Variants in FOS observed in about 807,000 individuals in gnomAD.
The protein encoded by FOS is protein c-Fos.
In FOS, 9 loss-of-function variants were observed where a neutral mutation model predicts 27.2. The ratio of observed to expected loss-of-function variants is 0.33; its 90% CI spans 0.20 to 0.58. The LOEUF is 0.58. Among genes scored for constraint, FOS ranks in the 20% least tolerant of loss-of-function variants. The probability of loss-of-function intolerance (pLI) is 0.87; values close to 1 mark genes in which losing one functional copy is unlikely to be tolerated. For synonymous variants in FOS, 213 were observed against 205.1 expected (o/e 1.04, Z -0.33); for missense variants, 405 against 483.5 (o/e 0.84, Z 1.52).
In FOS at chr14:75,281,065, A is replaced by T. The variant is rs1404657399; in HGVS notation, c.784A>T (p.Met262Leu). The change falls in exon 4 of 4, where the codon ATG becomes TTG. Residue 262 changes from methionine to leucine, a missense_variant. Coordinates refer to ENST00000303562, the MANE Select transcript of FOS (RefSeq NM_005252.4). The surrounding 1 kb of genome is among the most constrained non-coding windows in gnomAD (Gnocchi z 4.7). ...GGAACCTGTCAAGAGCATCAGCAGC[A>T]TGGAGCTGAAGACCGAGCCCTTTGA... ...SVEPVKSISS[M>L]ELKTEPFDDF... 2 of 1,612,454 alleles carry T rather than the reference A, an allele frequency of 1.2e-6. No homozygotes were observed. Among genetic ancestry groups the T allele is most frequent in the Admixed American group, 3.3e-5 (2 of 60,022 alleles).
chr14:75,280,519 C>T, intron 2 of FOS, 41 bp from the exon 3 acceptor site: 1 of 1,512,656 alleles, frequency 6.6e-7, no homozygotes, highest in Admixed American at 1.8e-5. Context: ...TGATGGCAGA[C>T]ACTTTTACTG....
At chr14:75,280,519 C>A in intron 2 of FOS, 41 bp from the exon 3 acceptor site, 3 of 1,512,652 alleles carry the variant, frequency 2.0e-6, no homozygotes, top group Non-Finnish European at 2.7e-6. Context: ...TGATGGCAGA[C>A]ACTTTTACTG....
At chr14:75,280,328 T>C in intron 2 of FOS, 200 bp downstream of exon 2, 1 of 731,068 alleles carries the variant, frequency 1.4e-6, no homozygotes, top group Non-Finnish European at 2.3e-6. Context: ...CATAGTTTCT[T>C]CCCTAAGTTT....
intron 2 of FOS, 37 bp downstream of exon 2, chr14:75,280,165 G>A (rs1897211181): frequency 1.2e-6 from 2 of 1,612,970 alleles, no homozygotes; most frequent in Admixed American, 3.3e-5. Flanking sequence ...GGGAATGTGG[G>A]GGCTGGGTGG....
chr14:75,279,697 G>A lies in FOS; in HGVS notation c.142-180G>A, dbSNP rs1307125086. 4.4e-6 allele frequency: 3 copies of A among 686,978 alleles called. No individual in the cohort carries two copies. The highest frequency in any genetic ancestry group is 7.4e-6 in the Non-Finnish European group (3 of 404,528). The allele number at this position is 686,978 out of a possible 1,614,324, so 42.6% of individuals were successfully genotyped here. A position where few individuals can be genotyped will look rare whatever the true frequency, so the allele number is the denominator to read the frequency against. On this transcript the variant is annotated intron_variant, in intron 1 of 3. Transcript: ENST00000303562. The surrounding 1 kb of genome is among the most constrained non-coding windows in gnomAD (Gnocchi z 5.4). ...GCAGGATGGAAGAGACAGGCACTGCGCTGCGGAATGCCTGGGAGGAAAAGG... is the reference window on the plus strand; with the variant it reads ...GCAGGATGGAAGAGACAGGCACTGCACTGCGGAATGCCTGGGAGGAAAAGG...
At position 75,279,118 on chromosome 14, in the gene FOS, G is replaced by T; in HGVS notation, c.136G>T (p.Ala46Ser). The change falls in exon 1 of 4, where the codon GCG (alanine) becomes TCG (serine). Residue 46 changes from alanine to serine, a missense_variant. Ala to Ser is a moderately conservative substitution (Grantham distance 99). Transcript: ENST00000303562. The surrounding 1 kb of genome is among the most constrained non-coding windows in gnomAD (Gnocchi z 5.4). ...SFSSMGSPVN[A>S]QDFCTDLAVS... ...CTCCAGCATGGGCTCGCCTGTCAAC[G>T]CGCAGGTAAGGCTGGCTTCCCGTCG... 2 of 1,613,108 alleles carry T rather than the reference G, an allele frequency of 1.2e-6. No homozygotes were observed. Among genetic ancestry groups the T allele is most frequent in the South Asian group, 1.1e-5 (1 of 91,082 alleles).
Position 75,279,899 on chromosome 14 carries a change from T to C in FOS, c.164T>C (p.Val55Ala), listed in dbSNP as rs1897206646. 1 of 1,611,372 alleles carries C rather than the reference T, an allele frequency of 6.2e-7. No homozygotes were observed. The highest frequency in any genetic ancestry group is 1.7e-5 in the Admixed American group (1 of 59,782). Residue 55 changes from valine to alanine, a missense_variant, in exon 2 of 4, where the codon GTC becomes GCC. Transcript: ENST00000303562. The surrounding 1 kb of genome is among the most constrained non-coding windows in gnomAD (Gnocchi z 5.4). ...NAQDFCTDLA[V>A]SSANFIPTVT... is the part of the protein sequence containing the mutation. ...TAGGACTTCTGCACGGACCTGGCCG[T>C]CTCCAGTGCCAACTTCATTCCCACG... is the stretch of plus-strand genomic sequence containing the variant.
Position 75,279,900 on chromosome 14 carries a change from C to G in FOS, c.165C>G (p.Val55=). The G allele has an allele frequency of 6.2e-7, 1 of 1,611,912 alleles. No individual in the cohort carries two copies. Residue 55 remains valine, a synonymous_variant, in exon 2 of 4, where the codon GTC becomes GTG. Coordinates refer to ENST00000303562, the MANE Select transcript of FOS (RefSeq NM_005252.4). This position sits in a 1 kb window ranked among gnomAD's most constrained non-coding sequence, Gnocchi z 5.4. ...NAQDFCTDLA[V]SSANFIPTVT... ...AGGACTTCTGCACGGACCTGGCCGT[C>G]TCCAGTGCCAACTTCATTCCCACGG...
chr14:75,279,015 G>A lies in FOS; in HGVS notation c.33G>A (p.Glu11=), dbSNP rs1566699923. Residue 11 remains glutamate (E), a synonymous_variant, in exon 1 of 4, where the codon GAG becomes GAA. Transcript: ENST00000303562. The surrounding 1 kb of genome is among the most constrained non-coding windows in gnomAD (Gnocchi z 5.4). The part of the protein sequence containing the change: MMFSGFNADY[E]ASSSRCSSAS... ...TCTCGGGCTTCAACGCAGACTACGA[G>A]GCGTCATCCTCCCGCTGCAGCAGCG... is the stretch of plus-strand genomic sequence containing the variant. The A allele has an allele frequency of 6.2e-7, 1 of 1,613,708 alleles. No individual in the cohort carries two copies. The highest frequency in any genetic ancestry group is 8.5e-7 in the Non-Finnish European group (1 of 1,179,948).
intron 2 of FOS, 72 bp from the exon 3 acceptor site, chr14:75,280,488 A>C: frequency 8.1e-7 from 1 of 1,233,324 alleles, no homozygotes; most frequent in South Asian, 1.3e-5. Context: ...AGCCAGTTCT[A>C]CTGGGGTGGG....
Position 75,279,769 on chromosome 14 carries a change from G to A in FOS, c.142-108G>A, listed in dbSNP as rs1594901714. On this transcript the variant is annotated intron_variant, in intron 1 of 3. Coordinates refer to ENST00000303562, the MANE Select transcript of FOS (RefSeq NM_005252.4). This position sits in a 1 kb window ranked among gnomAD's most constrained non-coding sequence, Gnocchi z 5.4. The stretch of plus-strand genomic sequence containing the variant: ...GAGGGACATTTAAGATGAAATGTCC[G>A]TGGCAGGATCGTTTCTCTTCACTGC... The A allele has an allele frequency of 2.3e-6, 3 of 1,282,000 alleles. No homozygotes were observed. The highest frequency in any genetic ancestry group is 2.3e-5 in the East Asian group (1 of 42,808). The allele number at this position is 1,282,000 out of a possible 1,614,324, so 79.4% of individuals were successfully genotyped here.
intron 2 of FOS, 85 bp downstream of exon 2, chr14:75,280,213 A>G (rs1253651501): frequency 1.3e-6 from 2 of 1,576,696 alleles, no homozygotes; most frequent in Non-Finnish European, 1.7e-6. Flanking sequence ...AGTACAGAGG[A>G]TGAAGCCACT....
Position 75,279,631 on chromosome 14 carries a change from T to C in FOS, c.142-246T>C, listed in dbSNP as rs1897203675. On this transcript the variant is annotated intron_variant, in intron 1 of 3. Coordinates refer to ENST00000303562, the MANE Select transcript of FOS (RefSeq NM_005252.4). This position sits in a 1 kb window ranked among gnomAD's most constrained non-coding sequence, Gnocchi z 5.4. ...TCAGGGATATTTATAACAAACCCCC[T>C]TTCAAGCAAGTGATGCTGAAGGGAT... 4 of 553,400 alleles carry C rather than the reference T, an allele frequency of 7.2e-6. No individual in the cohort carries two copies. In the African/African-American group the frequency reaches 7.5e-5, roughly 10 times the overall value. 34.3% of individuals were successfully genotyped at this position (553,400 alleles called of 1,614,324 possible).
At position 75,278,958 on chromosome 14, in the gene FOS, C is replaced by A. The variant is rs754369700; in HGVS notation, c.-25C>A. ...CACCTGTCTCCGCCCCTCGGCCCCT[C>A]GCCCGGCTTTGCCTAACCGCCACGA... On this transcript the variant is annotated 5_prime_UTR_variant, in exon 1 of 4. Transcript: ENST00000303562. The surrounding 1 kb of genome is among the most constrained non-coding windows in gnomAD (Gnocchi z 4.1). The A allele has an allele frequency of 3.0e-5, 48 of 1,612,790 alleles. No individual in the cohort carries two copies. Among genetic ancestry groups the A allele is most frequent in the Non-Finnish European group, 4.0e-5 (47 of 1,179,762 alleles).
Position 75,278,885 on chromosome 14 carries a change from G to A in FOS, c.-98G>A. ...AGACTGAGCCGGCGGCCGCGGCGCA[G>A]CGAACGAGCAGTGACCGTGCTCCTA... On this transcript the variant is annotated 5_prime_UTR_variant, in exon 1 of 4. Coordinates refer to ENST00000303562, the MANE Select transcript of FOS (RefSeq NM_005252.4). This position sits in a 1 kb window ranked among gnomAD's most constrained non-coding sequence, Gnocchi z 4.1. 3 of 1,459,284 alleles carry A rather than the reference G, an allele frequency of 2.1e-6. No individual in the cohort carries two copies. The highest frequency in any genetic ancestry group is 2.4e-5 in the South Asian group (2 of 82,638). 90.4% of individuals were successfully genotyped at this position (1,459,284 alleles called of 1,614,324 possible).
Position 75,280,645 on chromosome 14 carries a change from A to T in FOS, c.479A>T (p.Glu160Val), listed in dbSNP as rs761732839. The change falls in exon 3 of 4, where the codon GAG becomes GTG. Residue 160 changes from glutamate (E) to valine (V), a missense_variant. Physicochemically the swap from Glu to Val is moderately radical, Grantham distance 121. Coordinates refer to ENST00000303562, the MANE Select transcript of FOS (RefSeq NM_005252.4). ...AAAKCRNRRR[E>V]LTDTLQAETD... is the part of the protein sequence containing the mutation. The stretch of plus-strand genomic sequence containing the variant: ...GCCAAATGCCGCAACCGGAGGAGGG[A>T]GCTGACTGATACACTCCAAGCGGTA... 1 of 1,614,040 alleles carries T rather than the reference A, an allele frequency of 6.2e-7. No homozygotes were observed. Among genetic ancestry groups the T allele is most frequent in the South Asian group, 1.1e-5 (1 of 91,076 alleles).
rs553272717 is a variant in FOS at position 75,279,474 on chromosome 14, C to T, written c.141+351C>T. The T allele has an allele frequency of 1.7e-4, 77 of 443,192 alleles. 1 individual carries two copies. Among genetic ancestry groups the T allele is most frequent in the African/African-American group, 1.4e-3 (69 of 49,112 alleles). 27.5% of individuals were successfully genotyped at this position (443,192 alleles called of 1,614,324 possible). On this transcript the variant is annotated intron_variant, in intron 1 of 3. Coordinates refer to ENST00000303562, the MANE Select transcript of FOS (RefSeq NM_005252.4). The surrounding 1 kb of genome is among the most constrained non-coding windows in gnomAD (Gnocchi z 5.4). ...GTGGCAGAAAGCGGCAATCCCCCCT[C>T]CCCCGGCAGCCTGGAGCACGGAGGA...
At position 75,281,060 on chromosome 14, in the gene FOS, G is replaced by A. The variant is rs1158617410; in HGVS notation, c.779G>A (p.Ser260Asn). The change falls in exon 4 of 4, where the codon AGC becomes AAC. Residue 260 changes from serine to asparagine, a missense_variant. By Grantham distance (46) the Ser-to-Asn change is conservative. Coordinates refer to ENST00000303562, the MANE Select transcript of FOS (RefSeq NM_005252.4). This position sits in a 1 kb window ranked among gnomAD's most constrained non-coding sequence, Gnocchi z 4.7. Reference protein sequence around the residue: ...KPSVEPVKSISSMELKTEPFD... With the variant: ...KPSVEPVKSINSMELKTEPFD... ...TCAGTGGAACCTGTCAAGAGCATCA[G>A]CAGCATGGAGCTGAAGACCGAGCCC... The A allele has an allele frequency of 6.2e-7, 1 of 1,612,660 alleles. No homozygotes were observed.
Position 75,279,301 on chromosome 14 carries a change from G to C in FOS, c.141+178G>C. On this transcript the variant is annotated intron_variant, in intron 1 of 3. Coordinates refer to ENST00000303562, the MANE Select transcript of FOS (RefSeq NM_005252.4). The surrounding 1 kb of genome is among the most constrained non-coding windows in gnomAD (Gnocchi z 5.4). ...ACTTGCTCTGAGCGCACGCACGCTT[G>C]CCATAGTAAGAATTGGTTCCCCCTT... The C allele has an allele frequency of 1.3e-6, 1 of 790,992 alleles. No homozygotes were observed. The highest frequency in any genetic ancestry group is 2.0e-6 in the Non-Finnish European group (1 of 500,536). The allele number at this position is 790,992 out of a possible 1,614,324, so 49.0% of individuals were successfully genotyped here.
Sources: gnomAD v4.1 joint callset for allele counts on GRCh38, gnomAD v4.1.1 for gene constraint, Gnocchi (gnomAD v3.1) non-coding constraint, MANE v1.5 for transcripts, NCBI Gene and HGNC (gene_info 2026-07-23, HGNC 2026-07-21) for gene names.